Variants in SLC9A2 observed in about 807,000 individuals in gnomAD.
SLC9A2 encodes solute carrier family 9 member A2, also known as sodium/hydrogen exchanger 2.
Under a neutral mutation model 71.7 loss-of-function variants are expected in SLC9A2, and 42 were observed. The observed-to-expected ratio is 0.59, with a 90% CI of 0.46 to 0.76. The LOEUF (loss-of-function observed/expected upper bound fraction) is 0.76, where lower values mean the gene tolerates loss of function less well. Ranked by LOEUF, SLC9A2 falls within the 30% of genes least tolerant of loss-of-function variation. The pLI is 0.00. For synonymous variants in SLC9A2, 396 were observed against 392.5 expected, an observed-to-expected ratio of 1.01 and a Z score of -0.10; for missense variants, 829 against 1,017.4, an observed-to-expected ratio of 0.81 and a Z score of 2.52.
Position 102,619,905 on chromosome 2 carries a change from G to A in SLC9A2, c.57G>A (p.Leu19=), listed in dbSNP as rs1008656546. The A allele has an allele frequency of 2.9e-5, 47 of 1,595,084 alleles. No homozygotes were observed. The highest frequency in any genetic ancestry group is 3.9e-5 in the Non-Finnish European group (46 of 1,170,162). ...GGGCGCCACTGCCTCCGATGCTGTTGCTGCTGCTCCTGCAGGTGGCGGGGC... is the reference window on the plus strand; with the variant it reads ...GGGCGCCACTGCCTCCGATGCTGTTACTGCTGCTCCTGCAGGTGGCGGGGC... ...SLRAPLPPML[L]LLLLQVAGPV... Residue 19 remains leucine (L), a synonymous_variant, in exon 1 of 12, where the codon TTG becomes TTA. Coordinates refer to ENST00000233969, the MANE Select transcript of SLC9A2 (RefSeq NM_003048.6). This position sits in a 1 kb window ranked among gnomAD's most constrained non-coding sequence, Gnocchi z 4.3.
intron 3 of SLC9A2, among the ~76,000 whole-genome samples, chr2:102,665,598 C>A (rs1429705388): frequency 1.3e-5 from 2 of 151,520 alleles, no homozygotes; most frequent in Non-Finnish European, 2.9e-5. Context: ...CATGGTGAAA[C>A]CCCGTCTCTA....
At chr2:102,684,892 A>G (rs1265489284) in intron 5 of SLC9A2, among the ~76,000 whole-genome samples, 1 of 152,200 alleles carries the variant, frequency 6.6e-6, no homozygotes, top group African/African-American at 2.4e-5. Flanking sequence ...ACTCCTGCTA[A>G]GTGCCAGGCA....
intron 3 of SLC9A2, among the ~76,000 whole-genome samples, chr2:102,672,993 CT>C (rs143052715): frequency 0.022 from 3,406 of 151,824 alleles, 132 homozygotes; most frequent in African/African-American, 0.076. Flanking sequence ...TTTATTCTAG[CT>C]AATGCCAAAA....
chr2:102,668,980 A>G lies in SLC9A2; in HGVS notation c.1004+3630A>G, dbSNP rs532197251. Among the ~76,000 whole-genome samples the G allele has an allele frequency of 2.0e-5, 3 of 152,326 alleles. No homozygotes were observed. In the East Asian group the frequency reaches 5.8e-4, roughly 29 times the overall value. The stretch of plus-strand genomic sequence containing the variant: ...TGAAAAAGAAACAATCTTCTGAGTA[A>G]CAGAAGATTTTGGTTTGGGTTAAAA... On this transcript the variant is annotated intron_variant, in intron 3 of 11. Transcript: ENST00000233969.
Position 102,694,505 on chromosome 2 carries a change from T to C in SLC9A2, c.1515+2T>C. ...GTCAGTGAAGAAATCTATTGTCGGG[T>C]AGGTGTTAAGAGAGTGTAATAATTT... On this transcript the variant is annotated splice_donor_variant, in intron 6 of 11. Coordinates refer to ENST00000233969, the MANE Select transcript of SLC9A2 (RefSeq NM_003048.6). LOFTEE classifies it high-confidence loss of function. 6.7e-7 allele frequency: 1 copy of C among 1,492,296 alleles called. No individual in the cohort carries two copies. The allele number at this position is 1,492,296 out of a possible 1,614,324, so 92.4% of individuals were successfully genotyped here. A position where few individuals can be genotyped will look rare whatever the true frequency, so the allele number is the denominator to read the frequency against.
At chr2:102,626,673 T>G (rs1213468798) in intron 1 of SLC9A2, among the ~76,000 whole-genome samples, 1 of 152,116 alleles carries the variant, frequency 6.6e-6, no homozygotes, top group Non-Finnish European at 1.5e-5. Flanking sequence ...AATCTGCTCA[T>G]CTGAAAAAGG....
At chr2:102,683,966 A>G (rs1304320077) in intron 4 of SLC9A2, among the ~76,000 whole-genome samples, 168 bp from the exon 5 acceptor site, 1 of 152,196 alleles carries the variant, frequency 6.6e-6, no homozygotes, top group African/African-American at 2.4e-5. Context: ...AACAACATCA[A>G]AGGCCCAGAA....
Position 102,665,092 on chromosome 2 carries a change from TC to T in SLC9A2, c.754-6del. 1 of 1,599,762 alleles carries T rather than the reference TC, an allele frequency of 6.3e-7. No individual in the cohort carries two copies. Among genetic ancestry groups the T allele is most frequent in the Non-Finnish European group, 8.5e-7 (1 of 1,174,996 alleles). The stretch of plus-strand genomic sequence containing the variant: ...GGTCTTGACAAGGTGTTTTTTTTTT[TC>T]CTGCAGGTCCTGTACAACTTGTTCA... On this transcript the variant is annotated splice_region_variant and splice_polypyrimidine_tract_variant and intron_variant, in intron 2 of 11. Transcript: ENST00000233969.
At chr2:102,654,981 T>C (rs962685332) in intron 1 of SLC9A2, among the ~76,000 whole-genome samples, 1 of 152,202 alleles carries the variant, frequency 6.6e-6, no homozygotes, top group African/African-American at 2.4e-5. Context: ...CTTACTATAA[T>C]GGAGTTTGCA....
At chr2:102,646,789 A>ATATATATATATC (rs887096663) in intron 1 of SLC9A2, among the ~76,000 whole-genome samples, 2 of 148,254 alleles carry the variant, frequency 1.3e-5, no homozygotes, top group South Asian at 2.1e-4. Flanking sequence ...ATATATATAT[A>ATATATATATATC]TCTCCAATAC....
intron 5 of SLC9A2, among the ~76,000 whole-genome samples, chr2:102,692,645 T>C (rs949387034): frequency 6.6e-6 from 1 of 152,218 alleles, no homozygotes. Flanking sequence ...TTTTCATGTC[T>C]GTAAGTTCCC....
rs1314324179 is a variant in SLC9A2 at position 102,648,153 on chromosome 2, T to C, written c.290-9411T>C. Among the ~76,000 whole-genome samples the C allele has an allele frequency of 2.0e-5, 3 of 152,254 alleles. No homozygotes were observed. The South Asian group carries it at 6.2e-4, about 32-fold the overall frequency. On this transcript the variant is annotated intron_variant, in intron 1 of 11. Transcript: ENST00000233969. ...AAAAAGCTTATCCACCACAATCAAG[T>C]TGGCTTCATCCCTGGGATGCAAGGC...
chr2:102,677,518 T>C (rs1677364745), intron 3 of SLC9A2, among the ~76,000 whole-genome samples: 2 of 152,200 alleles, frequency 1.3e-5, no homozygotes, highest in South Asian at 2.1e-4. Flanking sequence ...TCTGCGAATT[T>C]TGTGCATGCC....
intron 1 of SLC9A2, among the ~76,000 whole-genome samples, chr2:102,644,954 G>A (rs1028688137): frequency 1.3e-5 from 2 of 152,216 alleles, no homozygotes; most frequent in Non-Finnish European, 2.9e-5. Flanking sequence ...TCTGCAAAGG[G>A]ACAGACTGCC....
At chr2:102,699,223 G>C (rs1271432297) in intron 7 of SLC9A2, among the ~76,000 whole-genome samples, 1 of 152,166 alleles carries the variant, frequency 6.6e-6, no homozygotes, top group Non-Finnish European at 1.5e-5. Context: ...TAAAAAGTGA[G>C]CCCTGAAGGT....
Position 102,710,056 on chromosome 2 carries a change from G to A in SLC9A2, c.*1567G>A, listed in dbSNP as rs969620506. 6 of 152,684 alleles carry A rather than the reference G, an allele frequency of 3.9e-5. No homozygotes were observed. The highest frequency in any genetic ancestry group is 6.5e-5 in the Admixed American group (1 of 15,270). The allele number at this position is 152,684 out of a possible 1,614,324, so 9.5% of individuals were successfully genotyped here. A position where few individuals can be genotyped will look rare whatever the true frequency, so the allele number is the denominator to read the frequency against. ...CTACACTTTTTTCTCATGTTCTAAAGTCTTAGAATACTGCTGGATTGTTGA... is the reference window on the plus strand; with the variant it reads ...CTACACTTTTTTCTCATGTTCTAAAATCTTAGAATACTGCTGGATTGTTGA... On this transcript the variant is annotated 3_prime_UTR_variant, in exon 12 of 12. Coordinates refer to ENST00000233969, the MANE Select transcript of SLC9A2 (RefSeq NM_003048.6).
chr2:102,627,335 AC>A (rs1272122445), intron 1 of SLC9A2, among the ~76,000 whole-genome samples: 1 of 152,112 alleles, frequency 6.6e-6, no homozygotes, highest in Non-Finnish European at 1.5e-5. Flanking sequence ...AACAAAAAAA[AC>A]AAACTGTTCC....
intron 1 of SLC9A2, among the ~76,000 whole-genome samples, chr2:102,623,749 G>A (rs913288091): frequency 1.3e-5 from 2 of 152,090 alleles, no homozygotes; most frequent in Non-Finnish European, 2.9e-5. Flanking sequence ...TGCCATTTGT[G>A]TAGTGTACCT....
At chr2:102,630,779 T>G (rs186661768) in intron 1 of SLC9A2, among the ~76,000 whole-genome samples, 1 of 152,060 alleles carries the variant, frequency 6.6e-6, no homozygotes, top group Non-Finnish European at 1.5e-5. Flanking sequence ...TTGTGTTTTG[T>G]TCATGCTGTT....
Sources: gnomAD v4.1 joint callset for allele counts (sites outside exome capture counted in the v4.1 genomes callset) on GRCh38, gnomAD v4.1.1 for gene constraint, Gnocchi (gnomAD v3.1) non-coding constraint, MANE v1.5 for transcripts, NCBI Gene and HGNC (gene_info 2026-07-23, HGNC 2026-07-21) for gene names.